KSR2: variants seen among roughly 807,000 people sequenced by gnomAD.
KSR2 encodes the protein kinase suppressor of ras 2.
KSR2 carries 25 observed loss-of-function variants against 107.8 expected under a neutral mutation model. That is an observed-to-expected ratio of 0.23 (90% CI 0.17 to 0.32). KSR2 has a LOEUF of 0.32. KSR2 is among the 10% of genes least tolerant of loss of function. KSR2 has a pLI of 1.00. For missense variants in KSR2, 887 were observed against 1,268.9 expected, an observed-to-expected ratio of 0.70 and a Z score of 4.57; for synonymous variants, 480 against 507.0, an observed-to-expected ratio of 0.95 and a Z score of 0.71.
chr12:117,654,115 C>T (rs1214321789), intron 5 of KSR2, among the ~76,000 whole-genome samples: 1 of 152,212 alleles, frequency 6.6e-6, no homozygotes, highest in Admixed American at 6.5e-5. Flanking sequence ...GGAAACTGTA[C>T]ATTTGGCTAT....
intron 4 of KSR2, among the ~76,000 whole-genome samples, chr12:117,757,068 A>AG: frequency 6.6e-6 from 1 of 151,976 alleles, no homozygotes; most frequent in East Asian, 1.9e-4. Context: ...AAAAAAAAAA[A>AG]AGAATCTTCT....
intron 1 of KSR2, among the ~76,000 whole-genome samples, chr12:117,944,069 T>C (rs1465486491): frequency 6.6e-6 from 1 of 152,188 alleles, no homozygotes; most frequent in African/African-American, 2.4e-5. Context: ...ATTAAACCTC[T>C]TTTTCTTTAT....
intron 1 of KSR2, among the ~76,000 whole-genome samples, chr12:117,938,747 T>A (rs560004857): frequency 6.6e-6 from 1 of 151,990 alleles, no homozygotes; most frequent in Non-Finnish European, 1.5e-5. Context: ...CAAAACTGTC[T>A]CTAAACAAAC....
At chr12:117,787,712 A>G (rs1386717828) in intron 3 of KSR2, among the ~76,000 whole-genome samples, 1 of 152,200 alleles carries the variant, frequency 6.6e-6, no homozygotes, top group Non-Finnish European at 1.5e-5. Context: ...TAAGTAAACC[A>G]CGTGGCTAGG....
At chr12:117,794,720 C>T (rs935849135) in intron 3 of KSR2, among the ~76,000 whole-genome samples, 5 of 152,072 alleles carry the variant, frequency 3.3e-5, no homozygotes, top group Admixed American at 3.3e-4. Context: ...CACATACACA[C>T]CAATATGCAC....
At chr12:117,903,110 T>C (rs1294125859) in intron 1 of KSR2, among the ~76,000 whole-genome samples, 3 of 152,254 alleles carry the variant, frequency 2.0e-5, no homozygotes, top group African/African-American at 4.8e-5. Flanking sequence ...ACTGAAGGCA[T>C]AGTTATAAAG....
rs77839779 is a variant in KSR2, at chr12:117,633,463, C to T, written c.1171+34011G>A. Among the ~76,000 whole-genome samples, 756 of 152,330 alleles carry T rather than the reference C, an allele frequency of 5.0e-3. 1 individual carries two copies. Among genetic ancestry groups the T allele is most frequent in the Non-Finnish European group, 8.0e-3 (542 of 68,034 alleles). ...ACTACTATAACAGAAAATCACAAAC[C>T]GTGTGCCTTAAAACAACAGATATTT... On this transcript the variant is annotated intron_variant, in intron 5 of 19. Transcript: ENST00000339824.
intron 1 of KSR2, among the ~76,000 whole-genome samples, chr12:117,892,306 A>G (rs1426615720): frequency 6.6e-6 from 1 of 152,218 alleles, no homozygotes; most frequent in Non-Finnish European, 1.5e-5. Flanking sequence ...CTCTGTCTCA[A>G]AAACAAACAA....
chr12:117,873,583 C>A (rs1893732077), intron 1 of KSR2, among the ~76,000 whole-genome samples: 2 of 151,626 alleles, frequency 1.3e-5, no homozygotes, highest in African/African-American at 4.8e-5. Flanking sequence ...GCCTCAGCCT[C>A]CCCGGTAGCT....
At chr12:117,739,774 T>C (rs1458853804) in intron 4 of KSR2, among the ~76,000 whole-genome samples, 1 of 151,924 alleles carries the variant, frequency 6.6e-6, no homozygotes. Flanking sequence ...TGAGGTAAGA[T>C]AGGGGTGCTG....
At chr12:117,920,210 G>A (rs1200323877) in intron 1 of KSR2, among the ~76,000 whole-genome samples, 1 of 152,070 alleles carries the variant, frequency 6.6e-6, no homozygotes, top group Admixed American at 6.6e-5. Flanking sequence ...ATAATCCTCT[G>A]ACCTCAGCTT....
Position 117,582,185 on chromosome 12 carries a change from G to A in KSR2, c.1241+105C>T, listed in dbSNP as rs1041802687. The A allele has an allele frequency of 1.8e-5, 16 of 902,506 alleles. No homozygotes were observed. In the Admixed American group the frequency reaches 3.1e-4, roughly 17 times the overall value. 55.9% of individuals were successfully genotyped at this position (902,506 alleles called of 1,614,324 possible). A position where few individuals can be genotyped will look rare whatever the true frequency, so the allele number is the denominator to read the frequency against. ...AAAGGGACATGGTGATGTAGGTGCT[G>A]GAGCTCAATAGCCTAGCCTTCTCTC... On this transcript the variant is annotated intron_variant, in intron 6 of 19. Transcript: ENST00000339824.
chr12:117,777,120 C>CAT (rs1051393758), intron 3 of KSR2, among the ~76,000 whole-genome samples: 97 of 104,768 alleles, frequency 9.3e-4, no homozygotes, highest in Admixed American at 2.6e-3. Context: ...ACACACACAC[C>CAT]ATATATATAT....
At chr12:117,860,595 G>A (rs1387966342) in intron 1 of KSR2, among the ~76,000 whole-genome samples, 164 bp from the exon 2 acceptor site, 2 of 152,166 alleles carry the variant, frequency 1.3e-5, no homozygotes, top group African/African-American at 2.4e-5. Context: ...TTTCCACCTC[G>A]TTGGTGAAGA....
chr12:117,590,910 A>C (rs1880276641), intron 5 of KSR2, among the ~76,000 whole-genome samples: 1 of 152,204 alleles, frequency 6.6e-6, no homozygotes, highest in South Asian at 2.1e-4. Flanking sequence ...TGGAGCCAGA[A>C]GACCAGGATT....
At chr12:117,772,210 C>G (rs1423541190) in intron 3 of KSR2, among the ~76,000 whole-genome samples, 2 of 133,410 alleles carry the variant, frequency 1.5e-5, no homozygotes, top group Non-Finnish European at 3.2e-5. Flanking sequence ...AACACACACT[C>G]ATACACACAC....
At chr12:117,960,797 C>CTT (rs57298583) in intron 1 of KSR2, among the ~76,000 whole-genome samples, 8 of 138,752 alleles carry the variant, frequency 5.8e-5, no homozygotes, top group African/African-American at 5.4e-5. Flanking sequence ...TTTCTTTTTC[C>CTT]TTTTTTTTTT....
chr12:117,640,628 T>C (rs990489260), intron 5 of KSR2, among the ~76,000 whole-genome samples: 1 of 152,260 alleles, frequency 6.6e-6, no homozygotes, highest in Non-Finnish European at 1.5e-5. Flanking sequence ...CAGTACAGAC[T>C]CATGCACTTG....
rs374137007 is a variant in KSR2, at chr12:117,793,424, C to T, written c.473-31900G>A. On this transcript the variant is annotated intron_variant, in intron 3 of 19. Transcript: ENST00000339824. ...ACATGCACACATACACACCAAAATG[C>T]ACACACACCAACATGCACACTCAAA... 8.7e-3 allele frequency among the ~76,000 whole-genome samples: 1,311 copies of T among 150,190 alleles called. 20 individuals carry two copies. The highest frequency in any genetic ancestry group is 0.03 in the African/African-American group (1,234 of 40,686).
Sources: gnomAD v4.1 joint callset for allele counts (sites outside exome capture counted in the v4.1 genomes callset) on GRCh38, gnomAD v4.1.1 for gene constraint, MANE v1.5 for transcripts, NCBI Gene and HGNC (gene_info 2026-07-23, HGNC 2026-07-21) for gene names.